LRP1: variants seen among roughly 807,000 people sequenced by gnomAD.
LRP1 encodes the protein LDL receptor related protein 1, also known as prolow-density lipoprotein receptor-related protein 1.
In LRP1, 51 loss-of-function variants were observed where a neutral mutation model predicts 541.5. The ratio of observed to expected loss-of-function variants is 0.09; its 90% CI spans 0.08 to 0.12. The LOEUF is 0.12. Among genes scored for constraint, LRP1 ranks in the 10% least tolerant of loss-of-function variants. LRP1 has a pLI of 1.00. For missense variants in LRP1, 3,878 were observed against 6,376.2 expected (o/e 0.61, Z 13.34); for synonymous variants, 2,219 against 2,470.8 (o/e 0.90, Z 3.02).
chr12:57,208,583 G>T, intron 77 of LRP1, 128 bp from the exon 78 acceptor site: 1 of 608,542 alleles, frequency 1.6e-6, no homozygotes. Context: ...CTTCTCTGTA[G>T]AAGGACAGAA....
rs1222800030 is a variant in LRP1, at chr12:57,178,276, G to T, written c.4362-83G>T. On this transcript the variant is annotated intron_variant, in intron 26 of 88. Transcript: ENST00000243077. This position sits in a 1 kb window ranked among gnomAD's most constrained non-coding sequence, Gnocchi z 5.8. ...TCTTCGCTGGGAGGGCTGTGGCCAG[G>T]GCCCAGAGGGTGGGCACCTGGGCAG... 2 of 1,506,934 alleles carry T rather than the reference G, an allele frequency of 1.3e-6. No homozygotes were observed. The highest frequency in any genetic ancestry group is 2.7e-5 in the African/African-American group (2 of 72,820). The allele number at this position is 1,506,934 out of a possible 1,614,324, so 93.3% of individuals were successfully genotyped here.
intron 34 of LRP1, among the ~76,000 whole-genome samples, chr12:57,182,427 C>T (rs930787882): frequency 6.6e-6 from 1 of 151,554 alleles, no homozygotes; most frequent in African/African-American, 2.4e-5. Flanking sequence ...AGGAGAATCA[C>T]TTGAACCGGG....
In LRP1 at chr12:57,179,722, C is replaced by A; in HGVS notation, c.4967-60C>A. 2 of 1,525,364 alleles carry A rather than the reference C, an allele frequency of 1.3e-6. No individual in the cohort carries two copies. Among genetic ancestry groups the A allele is most frequent in the Non-Finnish European group, 1.8e-6 (2 of 1,109,358 alleles). 94.5% of individuals were successfully genotyped at this position (1,525,364 alleles called of 1,614,324 possible). On this transcript the variant is annotated intron_variant, in intron 29 of 88. Coordinates refer to ENST00000243077, the MANE Select transcript of LRP1 (RefSeq NM_002332.3). This position sits in a 1 kb window ranked among gnomAD's most constrained non-coding sequence, Gnocchi z 6.8. ...CTTTTCTCCAGAAGGCACACTGGCTCCCCTCCTGACCCACTGCCCTGCAGA... is the reference window on the plus strand; with the variant it reads ...CTTTTCTCCAGAAGGCACACTGGCTACCCTCCTGACCCACTGCCCTGCAGA...
In LRP1 at chr12:57,211,074, C is replaced by T; in HGVS notation, c.12917-102C>T. 2 of 1,421,464 alleles carry T rather than the reference C, an allele frequency of 1.4e-6. No individual in the cohort carries two copies. The highest frequency in any genetic ancestry group is 1.8e-4 in the Middle Eastern group (1 of 5,564). The allele number at this position is 1,421,464 out of a possible 1,614,324, so 88.1% of individuals were successfully genotyped here. On this transcript the variant is annotated intron_variant, in intron 83 of 88. Coordinates refer to ENST00000243077, the MANE Select transcript of LRP1 (RefSeq NM_002332.3). The surrounding 1 kb of genome is among the most constrained non-coding windows in gnomAD (Gnocchi z 4.3). ...GGCACACTTCCCCTGAGGCAGTGCACCCCCTGCACCAAGATTATGCAAACA... is the reference window on the plus strand; with the variant it reads ...GGCACACTTCCCCTGAGGCAGTGCATCCCCTGCACCAAGATTATGCAAACA...
rs754361641 is a variant in LRP1 at position 57,162,444 on chromosome 12, C to A, written c.2330C>A (p.Pro777His). 5 of 1,614,012 alleles carry A rather than the reference C, an allele frequency of 3.1e-6. No individual in the cohort carries two copies. The highest frequency in any genetic ancestry group is 2.2e-5 in the East Asian group (1 of 44,890). ...RLERGVGGAP[P>H]TVTLLRSERP... is the part of the protein sequence containing the mutation. ...GAACGGGGTGTAGGAGGCGCACCCC[C>A]CACTGTGACCCTTCTGCGCAGTGAG... The change falls in exon 14 of 89, where the codon CCC becomes CAC. Residue 777 changes from proline (P) to histidine (H), a missense_variant. By Grantham distance (77) the Pro-to-His change is moderately conservative. Coordinates refer to ENST00000243077, the MANE Select transcript of LRP1 (RefSeq NM_002332.3). The surrounding 1 kb of genome is among the most constrained non-coding windows in gnomAD (Gnocchi z 5.2).
rs1200489973 is a variant in LRP1, at chr12:57,145,165, G to C, written c.578-62G>C. The C allele has an allele frequency of 2.5e-6, 4 of 1,613,140 alleles. No homozygotes were observed. The African/African-American group carries it at 5.3e-5, about 22-fold the overall frequency. On this transcript the variant is annotated intron_variant, in intron 5 of 88. Coordinates refer to ENST00000243077, the MANE Select transcript of LRP1 (RefSeq NM_002332.3). The stretch of plus-strand genomic sequence containing the variant: ...CCCTCAATGCTGTTCCCTGGTGGGT[G>C]GTGGCCTGAGAGGTGGTCCTAGAGC...
intron 1 of LRP1, among the ~76,000 whole-genome samples, chr12:57,133,301 G>T (rs1342311855): frequency 6.6e-6 from 1 of 151,934 alleles, no homozygotes; most frequent in Non-Finnish European, 1.5e-5. Context: ...TTTATTTGTG[G>T]GGAAAGGAAA....
In LRP1 at chr12:57,170,057, C is replaced by T. The variant is rs1236577094; in HGVS notation, c.3163+750C>T. Among the ~76,000 whole-genome samples, 3 of 152,340 alleles carry T rather than the reference C, an allele frequency of 2.0e-5. No homozygotes were observed. In the East Asian group the frequency reaches 5.8e-4, roughly 29 times the overall value. ...CTGAGGCCGTGTGGGAGATTCTGTC[C>T]CAGGCCTCTCCCCAGCCTCCGCGGT... On this transcript the variant is annotated intron_variant, in intron 20 of 88. Coordinates refer to ENST00000243077, the MANE Select transcript of LRP1 (RefSeq NM_002332.3).
intron 77 of LRP1, 56 bp downstream of exon 77, chr12:57,208,272 C>G (rs2036830517): frequency 1.9e-6 from 3 of 1,566,898 alleles, no homozygotes; most frequent in Non-Finnish European, 2.6e-6. Flanking sequence ...GCCCCCGGGA[C>G]AGGGTTGGGG....
chr12:57,211,851 G>T lies in LRP1; in HGVS notation c.13258+37G>T, dbSNP rs760693930. 1 of 1,613,332 alleles carries T rather than the reference G, an allele frequency of 6.2e-7. No homozygotes were observed. The highest frequency in any genetic ancestry group is 1.3e-5 in the African/African-American group (1 of 75,010). On this transcript the variant is annotated intron_variant, in intron 86 of 88. Coordinates refer to ENST00000243077, the MANE Select transcript of LRP1 (RefSeq NM_002332.3). The surrounding 1 kb of genome is among the most constrained non-coding windows in gnomAD (Gnocchi z 4.3). ...GGGTTGGGGCAGGCAGGGCCACCGG[G>T]ACCTAGAGCAGGGGGACCGTGTGCC...
chr12:57,211,324 C>A lies in LRP1; in HGVS notation c.13065C>A (p.Asn4355Lys), dbSNP rs371217600. The A allele has an allele frequency of 3.1e-6, 5 of 1,614,002 alleles. No individual in the cohort carries two copies. Among genetic ancestry groups the A allele is most frequent in the Non-Finnish European group, 4.2e-6 (5 of 1,180,028 alleles). The change falls in exon 84 of 89, where the codon AAC becomes AAA. Residue 4355 changes from asparagine to lysine, a missense_variant. Around this residue, in one of 13 missense-constraint regions of LRP1, gnomAD observed 871 missense variants for 1,212.4 expected, o/e 0.72. Coordinates refer to ENST00000243077, the MANE Select transcript of LRP1 (RefSeq NM_002332.3). This position sits in a 1 kb window ranked among gnomAD's most constrained non-coding sequence, Gnocchi z 4.3. ...SRCLEGACVV[N>K]KQSGDVTCNC... ...GTCTCGAAGGGGCCTGTGTGGTCAA[C>A]AAGCAGAGTGGGGATGTCACCTGCA...
At chr12:57,133,403 G>A (rs1373376693) in intron 1 of LRP1, among the ~76,000 whole-genome samples, 1 of 152,064 alleles carries the variant, frequency 6.6e-6, no homozygotes, top group African/African-American at 2.4e-5. Flanking sequence ...TCCCCTGGCT[G>A]TCCAAGCCAC....
chr12:57,186,019 C>A, intron 41 of LRP1, 111 bp downstream of exon 41: 1 of 1,286,692 alleles, frequency 7.8e-7, no homozygotes, highest in Non-Finnish European at 1.0e-6. Flanking sequence ...CCAGCAGCTA[C>A]AACTCAGCTG....
Position 57,211,838 on chromosome 12 carries a change from G to A in LRP1, c.13258+24G>A. On this transcript the variant is annotated intron_variant, in intron 86 of 88. Coordinates refer to ENST00000243077, the MANE Select transcript of LRP1 (RefSeq NM_002332.3). The surrounding 1 kb of genome is among the most constrained non-coding windows in gnomAD (Gnocchi z 4.3). ...ACGTAGGTGGCAGGGGTTGGGGCAG[G>A]CAGGGCCACCGGGACCTAGAGCAGG... 1 of 1,612,820 alleles carries A rather than the reference G, an allele frequency of 6.2e-7. No homozygotes were observed. Among genetic ancestry groups the A allele is most frequent in the Non-Finnish European group, 8.5e-7 (1 of 1,179,984 alleles).
Position 57,195,898 on chromosome 12 carries a change from G to A in LRP1, c.8596G>A (p.Ala2866Thr). The change falls in exon 54 of 89, where the codon GCC becomes ACC. Residue 2866 changes from alanine (A) to threonine (T), a missense_variant. By Grantham distance (58) the Ala-to-Thr change is moderately conservative. Around this residue, in one of 13 missense-constraint regions of LRP1, gnomAD observed 1,100 missense variants for 1,827.4 expected, o/e 0.60. Transcript: ENST00000243077. ...CTGCGGCCCCAGTGAGTTCCGCTGT[G>A]CCAATGGGCGCTGTCTGAGCTCCCG... ...PTCGPSEFRC[A>T]NGRCLSSRQW... 1 of 1,613,688 alleles carries A rather than the reference G, an allele frequency of 6.2e-7. No individual in the cohort carries two copies. The highest frequency in any genetic ancestry group is 1.7e-5 in the Admixed American group (1 of 60,030).
Position 57,184,758 on chromosome 12 carries a change from C to T in LRP1, c.6187-81C>T. ...GCTGAACTGAGGGCCTCACTCTGGC[C>T]CAGGCACTCCCTGCTGCCCCAGACA... is the stretch of plus-strand genomic sequence containing the variant. On this transcript the variant is annotated intron_variant, in intron 38 of 88. Transcript: ENST00000243077. This position sits in a 1 kb window ranked among gnomAD's most constrained non-coding sequence, Gnocchi z 7.8. 6.7e-7 allele frequency: 1 copy of T among 1,484,008 alleles called. No individual in the cohort carries two copies. The highest frequency in any genetic ancestry group is 9.2e-7 in the Non-Finnish European group (1 of 1,090,050). The allele number at this position is 1,484,008 out of a possible 1,614,324, so 91.9% of individuals were successfully genotyped here.
chr12:57,183,806 C>T lies in LRP1; in HGVS notation c.5826C>T (p.Gly1942=). 1 of 1,614,136 alleles carries T rather than the reference C, an allele frequency of 6.2e-7. No homozygotes were observed. Among genetic ancestry groups the T allele is most frequent in the Non-Finnish European group, 8.5e-7 (1 of 1,180,042 alleles). ...ACACCATCTACTGGGTGGACATGGG[C>T]CTGAGCACGATCAGCCGGGCCAAGC... ...ENDTIYWVDM[G]LSTISRAKRD... Residue 1942 remains glycine, a synonymous_variant, in exon 36 of 89, where the codon GGC becomes GGT. Transcript: ENST00000243077. The surrounding 1 kb of genome is among the most constrained non-coding windows in gnomAD (Gnocchi z 6.1).
At chr12:57,175,254 G>A (rs1480309135) in intron 22 of LRP1, among the ~76,000 whole-genome samples, 6 of 152,178 alleles carry the variant, frequency 3.9e-5, no homozygotes, top group Non-Finnish European at 7.4e-5. Flanking sequence ...TGGGTGCAAG[G>A]GTCCCAACTC....
chr12:57,193,962 G>A lies in LRP1; in HGVS notation c.7868G>A (p.Arg2623His), dbSNP rs775676426. 29 of 1,614,110 alleles carry A rather than the reference G, an allele frequency of 1.8e-5. No homozygotes were observed. The highest frequency in any genetic ancestry group is 1.6e-4 in the Middle Eastern group (1 of 6,076). The change falls in exon 48 of 89, where the codon CGC becomes CAC. Residue 2623 changes from arginine to histidine, a missense_variant. This residue lies in a region of LRP1 where 1,100 missense variants were observed against 1,827.4 expected (regional missense o/e 0.60). Transcript: ENST00000243077. Reference protein sequence around the residue: ...RDGTCIGNSSRCNQFVDCEDA... With the variant: ...RDGTCIGNSSHCNQFVDCEDA... ...GGGACCTGCATCGGGAACTCCAGCCGCTGCAACCAGTTTGTGGATTGTGAG... is the reference window on the plus strand; with the variant it reads ...GGGACCTGCATCGGGAACTCCAGCCACTGCAACCAGTTTGTGGATTGTGAG...
Sources: gnomAD v4.1 joint callset for allele counts (sites outside exome capture counted in the v4.1 genomes callset) on GRCh38, gnomAD v4.1.1 for gene constraint, gnomAD v4.1.1 regional missense constraint, Gnocchi (gnomAD v3.1) non-coding constraint, MANE v1.5 for transcripts, NCBI Gene and HGNC (gene_info 2026-07-23, HGNC 2026-07-21) for gene names.